SAMD5: variants seen among roughly 807,000 people sequenced by gnomAD.
The protein encoded by SAMD5 is sterile alpha motif domain-containing protein 5.
In SAMD5, 13 loss-of-function variants were observed where a neutral mutation model predicts 11.3. The ratio of observed to expected loss-of-function variants is 1.15; its 90% CI spans 0.75 to 1.83. The LOEUF is 1.83. SAMD5 is among the 40% of genes most tolerant of loss of function. SAMD5 has a pLI of 0.00. For synonymous variants in SAMD5, 129 were observed against 111.3 expected (o/e 1.16, Z -1.00); for missense variants, 255 against 239.1 (o/e 1.07, Z -0.44).
chr6:147,797,293 G>T, the SAMD5 span, among the ~76,000 whole-genome samples: 3 of 145,194 alleles, frequency 2.1e-5, no homozygotes, highest in Non-Finnish European at 4.5e-5. Flanking sequence ...GTTGAATTTT[G>T]TCAAAGGACT....
rs530870992 is a variant in SAMD5, at chr6:147,565,771, A to G, written c.*1315A>G. The G allele has an allele frequency of 3.0e-6, 3 of 985,322 alleles. No individual in the cohort carries two copies. Among genetic ancestry groups the G allele is most frequent in the South Asian group, 4.7e-5 (1 of 21,284 alleles). The allele number at this position is 985,322 out of a possible 1,614,324, so 61.0% of individuals were successfully genotyped here. A position where few individuals can be genotyped will look rare whatever the true frequency, so the allele number is the denominator to read the frequency against. The stretch of plus-strand genomic sequence containing the variant: ...CATCACACCCGGCCTGGATGCTGGT[A>G]GTTTTATTTTCTGCTTAGAAAACGC... On this transcript the variant is annotated 3_prime_UTR_variant, in exon 2 of 2. Coordinates refer to ENST00000367474, the MANE Select transcript of SAMD5 (RefSeq NM_001030060.3).
the SAMD5 span, among the ~76,000 whole-genome samples, chr6:147,882,541 A>G: frequency 1.3e-5 from 2 of 152,202 alleles, no homozygotes; most frequent in East Asian, 1.9e-4. Flanking sequence ...GTTTGCCACT[A>G]TGAATAGCCA....
the SAMD5 span, among the ~76,000 whole-genome samples, chr6:147,847,961 A>G: frequency 1.3e-5 from 2 of 152,204 alleles, no homozygotes; most frequent in East Asian, 3.8e-4. Flanking sequence ...ATTTTTGCAG[A>G]ATCTCTATAA....
At chr6:147,873,498 A>G in the SAMD5 span, among the ~76,000 whole-genome samples, 2 of 152,286 alleles carry the variant, frequency 1.3e-5, no homozygotes, top group East Asian at 3.9e-4. Flanking sequence ...ATTAATTGTA[A>G]TGTGAGTTTT....
intron 1 of SAMD5, among the ~76,000 whole-genome samples, chr6:147,556,387 C>T (rs540768471): frequency 1.5e-4 from 23 of 152,284 alleles, no homozygotes; most frequent in Non-Finnish European, 2.2e-4. Flanking sequence ...CCACCGTGCC[C>T]GGCTACTAGT....
chr6:147,928,802 G>A, the SAMD5 span, among the ~76,000 whole-genome samples: 11 of 152,088 alleles, frequency 7.2e-5, no homozygotes, highest in Non-Finnish European at 1.5e-4. Context: ...GGCATTTAGT[G>A]CTATGAATTT....
chr6:147,653,488 T>A (rs1301791292), intron 1 of SAMD5, among the ~76,000 whole-genome samples: 1 of 152,210 alleles, frequency 6.6e-6, no homozygotes, highest in Non-Finnish European at 1.5e-5. Context: ...CTCTTAATTA[T>A]GCTTTATATA....
intron 1 of SAMD5, among the ~76,000 whole-genome samples, chr6:147,541,205 C>A (rs574538239): frequency 3.4e-4 from 51 of 152,108 alleles, no homozygotes; most frequent in Admixed American, 1.1e-3. Context: ...CAGCCTCAGT[C>A]CCCCAAAGAG....
chr6:147,509,827 G>A (rs943593533), intron 1 of SAMD5, among the ~76,000 whole-genome samples: 25 of 152,104 alleles, frequency 1.6e-4, no homozygotes, highest in Non-Finnish European at 3.2e-4. Context: ...AAACTCCTAA[G>A]GGAAATCGGT....
chr6:147,566,524 C>A lies in SAMD5; in HGVS notation c.*2068C>A. On this transcript the variant is annotated 3_prime_UTR_variant, in exon 2 of 2. Coordinates refer to ENST00000367474, the MANE Select transcript of SAMD5 (RefSeq NM_001030060.3). Reference sequence around the variant, plus strand: ...ATTTTTGAAAAATCTGTTATTTTCACTGTGGGCCTTATGAGGCAATCTACT... The same window carrying A: ...ATTTTTGAAAAATCTGTTATTTTCAATGTGGGCCTTATGAGGCAATCTACT... 2 of 985,468 alleles carry A rather than the reference C, an allele frequency of 2.0e-6. No homozygotes were observed. Among genetic ancestry groups the A allele is most frequent in the Non-Finnish European group, 2.4e-6 (2 of 829,602 alleles). The allele number at this position is 985,468 out of a possible 1,614,324, so 61.0% of individuals were successfully genotyped here. A position where few individuals can be genotyped will look rare whatever the true frequency, so the allele number is the denominator to read the frequency against.
chr6:147,816,301 A>AAAAAAAAAAAAAAAAAATAT, the SAMD5 span, among the ~76,000 whole-genome samples: 1 of 66,360 alleles, frequency 1.5e-5, no homozygotes. Context: ...AAAAAAAAAA[A>AAAAAAAAAAAAAAAAAATAT]ATATATATAT....
the SAMD5 span, among the ~76,000 whole-genome samples, chr6:147,867,360 GAGAA>G: frequency 4.7e-5 from 7 of 149,962 alleles, no homozygotes; most frequent in Non-Finnish European, 1.0e-4. Flanking sequence ...TATATGGAGA[GAGAA>G]AGATATCTTC....
chr6:147,684,827 G>T (rs1026137880), intron 1 of SAMD5, among the ~76,000 whole-genome samples: 1 of 152,090 alleles, frequency 6.6e-6, no homozygotes, highest in African/African-American at 2.4e-5. Flanking sequence ...AATTACAATT[G>T]TTCTGGGTCC....
the SAMD5 span, among the ~76,000 whole-genome samples, chr6:147,878,707 A>G: frequency 6.6e-6 from 1 of 151,218 alleles, no homozygotes; most frequent in East Asian, 1.9e-4. Context: ...AGATATATCT[A>G]GCATATATCT....
chr6:147,838,530 T>TCCC, the SAMD5 span, among the ~76,000 whole-genome samples: 4 of 110,550 alleles, frequency 3.6e-5, no homozygotes, highest in African/African-American at 1.3e-4. Context: ...AAGAATATCC[T>TCCC]GCCCCCCCCC....
chr6:147,932,664 T>G, the SAMD5 span, among the ~76,000 whole-genome samples: 1 of 150,176 alleles, frequency 6.7e-6, no homozygotes, highest in African/African-American at 2.5e-5. Flanking sequence ...GAAAATAAGG[T>G]GTTGCTCAAT....
chr6:147,519,966 C>G (rs1278799046), intron 1 of SAMD5, among the ~76,000 whole-genome samples: 2 of 152,182 alleles, frequency 1.3e-5, no homozygotes, highest in East Asian at 1.9e-4. Flanking sequence ...AGTGACCCTT[C>G]CCTCTGCCTG....
chr6:147,913,371 A>C, the SAMD5 span, among the ~76,000 whole-genome samples: 1 of 152,208 alleles, frequency 6.6e-6, no homozygotes, highest in East Asian at 1.9e-4. Context: ...GGATTGATCA[A>C]ACACATACAT....
At chr6:147,562,974 C>T (rs113848164) in intron 1 of SAMD5, among the ~76,000 whole-genome samples, 52 of 152,162 alleles carry the variant, frequency 3.4e-4, no homozygotes, top group Non-Finnish European at 6.8e-4. Flanking sequence ...ATTACTTTTT[C>T]GCAGTTTATA....
Sources: allele counts gnomAD v4.1 joint callset (sites outside exome capture counted in the v4.1 genomes callset), GRCh38; gene constraint gnomAD v4.1.1; transcripts MANE v1.5; gene names NCBI Gene and HGNC (gene_info 2026-07-23, HGNC 2026-07-21).